The following PRKCA variants were observed in gnomAD, a reference collection of about 807,000 sequenced individuals.
PRKCA encodes the protein protein kinase C alpha type.
In PRKCA, 27 loss-of-function variants were observed where a neutral mutation model predicts 87.0. That is an observed-to-expected ratio of 0.31 (90% CI 0.23 to 0.43). The LOEUF (loss-of-function observed/expected upper bound fraction) is 0.43. Among genes scored for constraint, PRKCA ranks in the 20% least tolerant of loss-of-function variants. The probability of loss-of-function intolerance (pLI) is 1.00; values close to 1 mark genes in which losing one functional copy is unlikely to be tolerated. For synonymous variants in PRKCA, 329 were observed against 311.1 expected, an observed-to-expected ratio of 1.06 and a Z score of -0.61; for missense variants, 518 against 852.3, an observed-to-expected ratio of 0.61 and a Z score of 4.88.
At chr17:66,681,850 A>G (rs1972503661) in intron 5 of PRKCA, among the ~76,000 whole-genome samples, 1 of 152,158 alleles carries the variant, frequency 6.6e-6, no homozygotes, top group Non-Finnish European at 1.5e-5. Flanking sequence ...GGTGCCTGCA[A>G]GCCTTTGTGA....
chr17:66,333,747 C>T (rs1402918386), intron 2 of PRKCA, among the ~76,000 whole-genome samples: 1 of 152,058 alleles, frequency 6.6e-6, no homozygotes, highest in Non-Finnish European at 1.5e-5. Context: ...CTGTTCCGAG[C>T]CCTGACAGAC....
intron 2 of PRKCA, among the ~76,000 whole-genome samples, chr17:66,431,510 C>T (rs927134238): frequency 3.9e-5 from 6 of 152,176 alleles, no homozygotes; most frequent in Non-Finnish European, 7.3e-5. Context: ...TCCTGTGGCT[C>T]ATGATCCAAA....
intron 3 of PRKCA, among the ~76,000 whole-genome samples, chr17:66,580,067 A>T (rs963342066): frequency 6.6e-6 from 1 of 152,154 alleles, no homozygotes; most frequent in Non-Finnish European, 1.5e-5. Context: ...CCACAAATAA[A>T]TGAAAGGAAT....
Position 66,632,486 on chromosome 17 carries a change from C to T in PRKCA, c.289-8869C>T, listed in dbSNP as rs186524720. On this transcript the variant is annotated intron_variant, in intron 3 of 16. Coordinates refer to ENST00000413366, the MANE Select transcript of PRKCA (RefSeq NM_002737.3). The stretch of plus-strand genomic sequence containing the variant: ...ACTTGACCTCCTGGGCTCAAGCAGT[C>T]CTCCCACCTCAGCCTCCTGAGTAGC... Among the ~76,000 whole-genome samples the T allele has an allele frequency of 9.5e-3, 1,444 of 152,054 alleles. 10 individuals carry two copies. Among genetic ancestry groups the T allele is most frequent in the Non-Finnish European group, 0.015 (996 of 67,976 alleles).
rs541983458 is a variant in PRKCA at position 66,394,783 on chromosome 17, G to T, written c.205+88656G>T. Reference sequence around the variant, plus strand: ...TAGTGAGTTCTCACGAGATCTGATGGTTCTATATAAGGGGCTCTTTCCCCC... The same window carrying T: ...TAGTGAGTTCTCACGAGATCTGATGTTTCTATATAAGGGGCTCTTTCCCCC... On this transcript the variant is annotated intron_variant, in intron 2 of 16. Transcript: ENST00000413366. Among the ~76,000 whole-genome samples the T allele has an allele frequency of 2.4e-4, 37 of 152,196 alleles. 2 individuals carry two copies. In the South Asian group the frequency reaches 2.7e-3, roughly 11 times the overall value.
chr17:66,786,076 C>T (rs1472124128), intron 14 of PRKCA, among the ~76,000 whole-genome samples: 1 of 152,248 alleles, frequency 6.6e-6, no homozygotes, highest in Admixed American at 6.5e-5. Flanking sequence ...GATCCGCCCG[C>T]CTCGGCCTCC....
chr17:66,767,690 A>G lies in PRKCA; in HGVS notation c.1525-6297A>G, dbSNP rs138285262. Among the ~76,000 whole-genome samples, 769 of 152,290 alleles carry G rather than the reference A, an allele frequency of 5.0e-3. 3 individuals are homozygous for G. The highest frequency in any genetic ancestry group is 0.024 in the Middle Eastern group (7 of 294). ...CCCTCCTCCATCTTGCAACTGAGCC[A>G]TCTGGAACAGGTGGCCCCTAGAATC... On this transcript the variant is annotated intron_variant, in intron 13 of 16. Transcript: ENST00000413366.
chr17:66,782,033 C>A (rs1456465613), intron 14 of PRKCA, among the ~76,000 whole-genome samples: 2 of 151,782 alleles, frequency 1.3e-5, no homozygotes, highest in Non-Finnish European at 2.9e-5. Flanking sequence ...CCTGCTTCAG[C>A]CTCCCAGGTA....
chr17:66,694,480 C>CA (rs57941055), intron 8 of PRKCA, among the ~76,000 whole-genome samples: 4,117 of 35,104 alleles, frequency 0.12, 892 homozygotes, highest in African/African-American at 0.26. Context: ...GACTCTGTCT[C>CA]AAAAAAAAAA....
intron 2 of PRKCA, among the ~76,000 whole-genome samples, chr17:66,437,731 T>TTTTTTTTGGG (rs55779501): frequency 9.0e-4 from 10 of 11,158 alleles, no homozygotes; most frequent in Admixed American, 1.4e-3. Flanking sequence ...TTTTTTTTTT[T>TTTTTTTTGGG]GAGCGGGGGG....
chr17:66,760,765 C>G (rs1329005958), intron 13 of PRKCA, among the ~76,000 whole-genome samples: 1 of 152,188 alleles, frequency 6.6e-6, no homozygotes, highest in African/African-American at 2.4e-5. Context: ...AGACTAATAC[C>G]TCTCATGAAC....
At chr17:66,453,121 T>C (rs12948610) in intron 2 of PRKCA, among the ~76,000 whole-genome samples, 69,350 of 151,822 alleles carry the variant, frequency 0.46, 16,619 homozygotes, top group African/African-American at 0.59. Flanking sequence ...TCCCACTGGC[T>C]AGGTGGTCAC....
At chr17:66,344,979 C>T (rs187929872) in intron 2 of PRKCA, among the ~76,000 whole-genome samples, 2 of 152,148 alleles carry the variant, frequency 1.3e-5, no homozygotes, top group Non-Finnish European at 2.9e-5. Context: ...ACTGAAAGAA[C>T]GAATATACCT....
rs572499672 is a variant in PRKCA at position 66,528,865 on chromosome 17, G to A, written c.288+32582G>A. Among the ~76,000 whole-genome samples the A allele has an allele frequency of 5.3e-5, 8 of 152,318 alleles. No homozygotes were observed. In the South Asian group the frequency reaches 1.7e-3, roughly 32 times the overall value. On this transcript the variant is annotated intron_variant, in intron 3 of 16. Transcript: ENST00000413366. ...GGTGCTTGTGAGTTTACTTTGGTTG[G>A]TTAAGACTAAGAGGCAACAGATGAC...
chr17:66,485,463 A>G (rs919539204), intron 2 of PRKCA, among the ~76,000 whole-genome samples: 1 of 152,200 alleles, frequency 6.6e-6, no homozygotes, highest in African/African-American at 2.4e-5. Context: ...GAGAGGTTTC[A>G]TCCATGCTGT....
At chr17:66,385,720 A>T (rs551420874) in intron 2 of PRKCA, among the ~76,000 whole-genome samples, 9 of 152,264 alleles carry the variant, frequency 5.9e-5, no homozygotes, top group Middle Eastern at 3.4e-3. Context: ...TGCCTCTACA[A>T]AATAAAAATA....
At chr17:66,680,657 G>A (rs915489668) in intron 5 of PRKCA, among the ~76,000 whole-genome samples, 1 of 152,152 alleles carries the variant, frequency 6.6e-6, no homozygotes. Flanking sequence ...CAGGCAACAG[G>A]GATACAGCTG....
At chr17:66,789,166 G>A (rs1413001979) in intron 16 of PRKCA, among the ~76,000 whole-genome samples, 187 bp downstream of exon 16, 2 of 152,224 alleles carry the variant, frequency 1.3e-5, no homozygotes, top group African/African-American at 2.4e-5. Context: ...GCTGCCTTCA[G>A]AGAGTAAGGA....
intron 8 of PRKCA, among the ~76,000 whole-genome samples, chr17:66,724,674 T>C (rs1174250852): frequency 3.9e-5 from 6 of 152,244 alleles, no homozygotes; most frequent in African/African-American, 1.4e-4. Flanking sequence ...TCTGGCCACG[T>C]TGGGCCGTGT....
Sources: allele counts gnomAD v4.1 joint callset (sites outside exome capture counted in the v4.1 genomes callset), GRCh38; gene constraint gnomAD v4.1.1; transcripts MANE v1.5; gene names NCBI Gene and HGNC (gene_info 2026-07-23, HGNC 2026-07-21).